Variants in TMCC2 observed in about 807,000 individuals in gnomAD.
The protein encoded by TMCC2 is transmembrane and coiled-coil domain family 2.
TMCC2 carries 16 observed loss-of-function variants against 49.4 expected under a neutral mutation model. That is an observed-to-expected ratio of 0.32 (90% CI 0.22 to 0.49). The LOEUF (loss-of-function observed/expected upper bound fraction) is 0.49, where lower values mean the gene tolerates loss of function less well. Ranked by LOEUF, TMCC2 falls within the 20% of genes least tolerant of loss-of-function variation. The probability of loss-of-function intolerance (pLI) is 0.99; values close to 1 mark genes in which losing one functional copy is unlikely to be tolerated. For missense variants in TMCC2, 762 were observed against 989.8 expected (o/e 0.77, Z 3.09); for synonymous variants, 397 against 434.1 (o/e 0.91, Z 1.06).
intron 2 of TMCC2, among the ~76,000 whole-genome samples, chr1:205,242,460 A>C (rs1326535344): frequency 1.3e-5 from 2 of 152,226 alleles, no homozygotes; most frequent in African/African-American, 2.4e-5. Flanking sequence ...TGTAGGACTA[A>C]ATGAGTTAAT....
In TMCC2 at chr1:205,272,241, C is replaced by T. The variant is rs1574876126; in HGVS notation, c.*117C>T. 6.8e-7 allele frequency: 1 copy of T among 1,469,158 alleles called. No homozygotes were observed. Among genetic ancestry groups the T allele is most frequent in the East Asian group, 2.5e-5 (1 of 40,458 alleles). 91.0% of individuals were successfully genotyped at this position (1,469,158 alleles called of 1,614,324 possible). A position where few individuals can be genotyped will look rare whatever the true frequency, so the allele number is the denominator to read the frequency against. ...GGCCTCCTGCCCAAACTGTCCATTC[C>T]AGCAGCTCCTGCCCCCTTCTCTGTA... On this transcript the variant is annotated 3_prime_UTR_variant, in exon 5 of 5. Coordinates refer to ENST00000358024, the MANE Select transcript of TMCC2 (RefSeq NM_014858.4).
chr1:205,228,587 A>G lies in TMCC2; in HGVS notation c.23A>G (p.Glu8Gly). 1 of 1,611,200 alleles carries G rather than the reference A, an allele frequency of 6.2e-7. No homozygotes were observed. Among genetic ancestry groups the G allele is most frequent in the African/African-American group, 1.3e-5 (1 of 74,942 alleles). ...ACCATGAAGAGGTGCAGATCGGACG[A>G]GCTGCAGCAACAACAGGGCGAGGAG... MKRCRSDELQQQQGEEDG... is the reference protein window; with the variant it reads MKRCRSDGLQQQQGEEDG... The change falls in exon 1 of 5, where the codon GAG becomes GGG. Residue 8 changes from glutamate (E) to glycine (G), a missense_variant. Glu to Gly is a moderately conservative substitution (Grantham distance 98, BLOSUM62 -2). Coordinates refer to ENST00000358024, the MANE Select transcript of TMCC2 (RefSeq NM_014858.4).
At position 205,241,283 on chromosome 1, in the gene TMCC2, G is replaced by A. The variant is rs185012183; in HGVS notation, c.208-222G>A. Among the ~76,000 whole-genome samples, 135 of 152,218 alleles carry A rather than the reference G, an allele frequency of 8.9e-4. No individual in the cohort carries two copies. The highest frequency in any genetic ancestry group is 1.6e-3 in the Non-Finnish European group (111 of 68,022). On this transcript the variant is annotated intron_variant, in intron 1 of 4. Coordinates refer to ENST00000358024, the MANE Select transcript of TMCC2 (RefSeq NM_014858.4). This position sits in a 1 kb window ranked among gnomAD's most constrained non-coding sequence, Gnocchi z 7.3. ...TTAGGAATGTCCCGTGGAAAACCGTGGGGGCACACTTCTTTCGGAATGAAA... is the reference window on the plus strand; with the variant it reads ...TTAGGAATGTCCCGTGGAAAACCGTAGGGGCACACTTCTTTCGGAATGAAA...
intron 2 of TMCC2, among the ~76,000 whole-genome samples, chr1:205,252,958 T>TAA (rs959848503): frequency 6.9e-6 from 1 of 144,892 alleles, no homozygotes; most frequent in African/African-American, 2.5e-5. Context: ...TTGTCTCTCT[T>TAA]AAAAAAAAAA....
chr1:205,230,270 A>G (rs1339845001), intron 1 of TMCC2: 1 of 732,286 alleles, frequency 1.4e-6, no homozygotes, highest in African/African-American at 1.9e-5. Context: ...TGTTTTTTAA[A>G]CTTTGCAGTA....
intron 2 of TMCC2, among the ~76,000 whole-genome samples, chr1:205,267,272 A>G (rs997055446): frequency 2.0e-5 from 3 of 152,194 alleles, no homozygotes; most frequent in Non-Finnish European, 4.4e-5. Flanking sequence ...TGGCAGGGCT[A>G]TTATTTTCAA....
intron 2 of TMCC2, among the ~76,000 whole-genome samples, chr1:205,260,101 G>C (rs1030267709): frequency 6.6e-6 from 1 of 152,206 alleles, no homozygotes; most frequent in African/African-American, 2.4e-5. Context: ...TCCCTCCACG[G>C]TTCTCCTCTT....
intron 1 of TMCC2, chr1:205,229,552 G>GGGGT (rs1267089333): frequency 1.0e-5 from 7 of 697,504 alleles, no homozygotes; most frequent in Non-Finnish European, 6.9e-6. Context: ...GGGCGGGGGG[G>GGGGT]GGGGGGTGGT....
intron 2 of TMCC2, among the ~76,000 whole-genome samples, chr1:205,249,404 G>A (rs1312251818): frequency 2.0e-5 from 3 of 152,228 alleles, no homozygotes; most frequent in Non-Finnish European, 2.9e-5. Context: ...GACAGATCTT[G>A]GCAGCTGCCC....
intron 1 of TMCC2, among the ~76,000 whole-genome samples, chr1:205,236,294 A>G (rs1660046114): frequency 6.6e-6 from 1 of 152,180 alleles, no homozygotes; most frequent in African/African-American, 2.4e-5. Context: ...CTTGGCGGTT[A>G]CTAAGATAAT....
chr1:205,246,581 G>A lies in TMCC2; in HGVS notation c.747+4537G>A, dbSNP rs550110529. 2.0e-4 allele frequency: 314 copies of A among 1,549,532 alleles called. 1 individual carries two copies. The South Asian group carries it at 2.9e-3, about 14-fold the overall frequency. On this transcript the variant is annotated intron_variant, in intron 2 of 4. Coordinates refer to ENST00000358024, the MANE Select transcript of TMCC2 (RefSeq NM_014858.4). ...TGCACGCGTTGGCTAAAAGGGTGGCGTGGCTTTGTGAAATTGAGAGCTGGA... is the reference window on the plus strand; with the variant it reads ...TGCACGCGTTGGCTAAAAGGGTGGCATGGCTTTGTGAAATTGAGAGCTGGA...
intron 2 of TMCC2, among the ~76,000 whole-genome samples, chr1:205,263,703 C>T (rs1007729492): frequency 6.6e-6 from 1 of 151,954 alleles, no homozygotes; most frequent in Non-Finnish European, 1.5e-5. Context: ...GATTCTGACT[C>T]AACAAAAAAC....
chr1:205,269,710 G>T lies in TMCC2; in HGVS notation c.1508G>T (p.Ser503Ile). 1 of 1,614,180 alleles carries T rather than the reference G, an allele frequency of 6.2e-7. No homozygotes were observed. The highest frequency in any genetic ancestry group is 8.5e-7 in the Non-Finnish European group (1 of 1,180,024). ...GCTGGGCCTGGTGGGGCGCTGGGGA[G>T]CCCTAAGTCCAATGCACTGTATGGT... ...SGAGPGGALGSPKSNALYGAP... is the reference protein window; with the variant it reads ...SGAGPGGALGIPKSNALYGAP... The change falls in exon 3 of 5, where the codon AGC (serine) becomes ATC (isoleucine). Residue 503 changes from serine (S) to isoleucine (I), a missense_variant. Ser to Ile is a moderately radical substitution (Grantham distance 142). Transcript: ENST00000358024.
intron 2 of TMCC2, among the ~76,000 whole-genome samples, chr1:205,254,521 C>T (rs1574852263): frequency 6.6e-6 from 1 of 152,192 alleles, no homozygotes; most frequent in East Asian, 1.9e-4. Flanking sequence ...AAAAGCATTG[C>T]TCTGCTGCTA....
At chr1:205,265,655 A>G (rs1214266642) in intron 2 of TMCC2, among the ~76,000 whole-genome samples, 2 of 147,384 alleles carry the variant, frequency 1.4e-5, no homozygotes, top group South Asian at 2.1e-4. Context: ...TCTGCCTCCC[A>G]GTTCAAGAAA....
At chr1:205,267,105 A>T (rs4951182) in intron 2 of TMCC2, among the ~76,000 whole-genome samples, 1 of 152,000 alleles carries the variant, frequency 6.6e-6, no homozygotes, top group South Asian at 2.1e-4. Flanking sequence ...AGGGGGGATG[A>T]GGGGAGACCC....
At chr1:205,258,312 C>T (rs1004727158) in intron 2 of TMCC2, among the ~76,000 whole-genome samples, 10 of 152,102 alleles carry the variant, frequency 6.6e-5, no homozygotes, top group African/African-American at 2.4e-4. Flanking sequence ...CTCTGCCCTT[C>T]GAATCCCCCA....
chr1:205,241,218 T>C lies in TMCC2; in HGVS notation c.208-287T>C, dbSNP rs568037117. 6.6e-6 allele frequency among the ~76,000 whole-genome samples: 1 copy of C among 152,292 alleles called. No homozygotes were observed. The highest frequency in any genetic ancestry group is 2.4e-5 in the African/African-American group (1 of 41,566). On this transcript the variant is annotated intron_variant, in intron 1 of 4. Transcript: ENST00000358024. This position sits in a 1 kb window ranked among gnomAD's most constrained non-coding sequence, Gnocchi z 7.3. The stretch of plus-strand genomic sequence containing the variant: ...GCCATTAAGCCCCAGACTGAAGCCC[T>C]GAGAGCATCATTCCTAGAAACTCTG...
At chr1:205,271,729 C>A (rs879281067) in intron 4 of TMCC2, 84 bp from the exon 5 acceptor site, 2 of 1,517,682 alleles carry the variant, frequency 1.3e-6, no homozygotes, top group African/African-American at 1.4e-5. Context: ...GTTATAGGCA[C>A]CTTCTCAGTG....
Sources: gnomAD v4.1 joint callset for allele counts (sites outside exome capture counted in the v4.1 genomes callset) on GRCh38, gnomAD v4.1.1 for gene constraint, Gnocchi (gnomAD v3.1) non-coding constraint, MANE v1.5 for transcripts, NCBI Gene and HGNC (gene_info 2026-07-23, HGNC 2026-07-21) for gene names.